Variants in CADM2 observed in about 807,000 individuals in gnomAD.
CADM2 encodes the protein cell adhesion molecule 2.
In CADM2, 12 loss-of-function variants were observed where a neutral mutation model predicts 49.8. The observed-to-expected ratio is 0.24, with a 90% confidence interval of 0.15 to 0.39. The LOEUF (loss-of-function observed/expected upper bound fraction) is 0.39. Among genes scored for constraint, CADM2 ranks in the 10% least tolerant of loss-of-function variants. The pLI is 1.00. For synonymous variants in CADM2, 214 were observed against 175.4 expected (o/e 1.22, Z -1.74); for missense variants, 378 against 492.3 (o/e 0.77, Z 2.20).
At chr3:85,838,883 T>G (rs2074517096) in intron 3 of CADM2, among the ~76,000 whole-genome samples, 1 of 151,920 alleles carries the variant, frequency 6.6e-6, no homozygotes, top group Non-Finnish European at 1.5e-5. Flanking sequence ...AAGGAAATAA[T>G]AACCTACAGC....
intron 7 of CADM2, among the ~76,000 whole-genome samples, chr3:85,942,471 C>A (rs1179354849): frequency 2.0e-5 from 3 of 148,446 alleles, no homozygotes; most frequent in Non-Finnish European, 4.5e-5. Context: ...TCTCCCAGTG[C>A]TATCCCTCCC....
chr3:86,061,573 T>G (rs989059761), intron 8 of CADM2, among the ~76,000 whole-genome samples: 1 of 152,162 alleles, frequency 6.6e-6, no homozygotes, highest in Non-Finnish European at 1.5e-5. Flanking sequence ...TAAAGATTTG[T>G]ATGCATATAA....
chr3:85,039,169 T>G (rs918587382), intron 1 of CADM2, among the ~76,000 whole-genome samples: 11 of 152,086 alleles, frequency 7.2e-5, no homozygotes, highest in Non-Finnish European at 1.6e-4. Flanking sequence ...ACCCAGCTTA[T>G]TTTGTGTTTT....
At chr3:84,963,361 A>G (rs902923830) in intron 1 of CADM2, among the ~76,000 whole-genome samples, 1 of 152,170 alleles carries the variant, frequency 6.6e-6, no homozygotes, top group African/African-American at 2.4e-5. Flanking sequence ...CTGAGGGGGC[A>G]CTGCAAAGAT....
chr3:85,010,396 A>G (rs565286031), intron 1 of CADM2, among the ~76,000 whole-genome samples: 21 of 152,330 alleles, frequency 1.4e-4, no homozygotes, highest in African/African-American at 5.0e-4. Flanking sequence ...CTTGTATTTT[A>G]TTGCGCACAG....
chr3:85,928,081 TCA>T (rs2108519464), intron 6 of CADM2, among the ~76,000 whole-genome samples: 1 of 152,198 alleles, frequency 6.6e-6, no homozygotes, highest in Admixed American at 6.5e-5. Context: ...ATTCAAATCC[TCA>T]GTCATTCAAA....
At chr3:86,047,985 A>C (rs1025610413) in intron 8 of CADM2, among the ~76,000 whole-genome samples, 2 of 152,182 alleles carry the variant, frequency 1.3e-5, no homozygotes, top group Non-Finnish European at 2.9e-5. Context: ...GAATGTTTAC[A>C]TTCTAACTTT....
intron 1 of CADM2, among the ~76,000 whole-genome samples, chr3:84,987,910 C>A (rs2032667576): frequency 6.6e-6 from 1 of 152,018 alleles, no homozygotes; most frequent in Admixed American, 6.5e-5. Context: ...GCCCAGTTCT[C>A]CCCCTGCAGG....
intron 1 of CADM2, among the ~76,000 whole-genome samples, chr3:85,071,559 C>A (rs974781070): frequency 7.2e-5 from 11 of 152,038 alleles, no homozygotes; most frequent in African/African-American, 2.7e-4. Context: ...CTTGAGAATT[C>A]ATTTATTAAA....
chr3:85,189,983 T>G (rs917108373), intron 1 of CADM2, among the ~76,000 whole-genome samples: 4 of 135,828 alleles, frequency 2.9e-5, no homozygotes, highest in Non-Finnish European at 6.2e-5. Flanking sequence ...TTTTAGTGTC[T>G]GCATGGATGA....
intron 1 of CADM2, among the ~76,000 whole-genome samples, chr3:85,661,352 T>C (rs1248977666): frequency 6.6e-6 from 1 of 151,158 alleles, no homozygotes; most frequent in Non-Finnish European, 1.5e-5. Flanking sequence ...GATTTTTTAA[T>C]TTGGGAGTAA....
intron 2 of CADM2, among the ~76,000 whole-genome samples, chr3:85,777,043 C>A (rs1281836392): frequency 6.6e-6 from 1 of 151,846 alleles, no homozygotes. Context: ...CCTTTTAAAC[C>A]GTTTCAAATT....
At chr3:85,854,216 A>C (rs1160435745) in intron 3 of CADM2, among the ~76,000 whole-genome samples, 1 of 152,166 alleles carries the variant, frequency 6.6e-6, no homozygotes, top group African/African-American at 2.4e-5. Flanking sequence ...ACCACTCTAA[A>C]AGTGCTTATA....
intron 1 of CADM2, among the ~76,000 whole-genome samples, chr3:85,522,458 G>C (rs143701373): frequency 6.6e-6 from 1 of 152,188 alleles, no homozygotes; most frequent in African/African-American, 2.4e-5. Flanking sequence ...ATAGCATAGA[G>C]GTAATTCCAT....
At chr3:85,183,668 T>C (rs1255704704) in intron 1 of CADM2, among the ~76,000 whole-genome samples, 3 of 152,276 alleles carry the variant, frequency 2.0e-5, no homozygotes, top group Non-Finnish European at 4.4e-5. Flanking sequence ...TACTATTCCA[T>C]ACAAAGTTGA....
At chr3:85,420,377 G>A (rs539691850) in intron 1 of CADM2, among the ~76,000 whole-genome samples, 1 of 152,242 alleles carries the variant, frequency 6.6e-6, no homozygotes, top group Admixed American at 6.5e-5. Flanking sequence ...TCTACCTTTT[G>A]TCTTAGAAAA....
At chr3:85,830,430 T>G (rs1442033932) in intron 3 of CADM2, among the ~76,000 whole-genome samples, 5 of 151,996 alleles carry the variant, frequency 3.3e-5, no homozygotes, top group Admixed American at 6.6e-5. Context: ...ATTGACCCTT[T>G]ATCACATAAA....
intron 2 of CADM2, among the ~76,000 whole-genome samples, chr3:85,769,991 AAAAC>A (rs2069990582): frequency 6.6e-6 from 1 of 150,978 alleles, no homozygotes; most frequent in East Asian, 1.9e-4. Flanking sequence ...TATGATTCAA[AAAAC>A]AAACAAAAAA....
chr3:85,452,864 C>A (rs2037815907), intron 1 of CADM2, among the ~76,000 whole-genome samples: 2 of 152,094 alleles, frequency 1.3e-5, no homozygotes, highest in African/African-American at 4.8e-5. Flanking sequence ...AGGTCCTTAA[C>A]TATAAGTTTA....
Sources: gnomAD v4.1 joint callset for allele counts (sites outside exome capture counted in the v4.1 genomes callset) on GRCh38, gnomAD v4.1.1 for gene constraint, MANE v1.5 for transcripts, NCBI Gene and HGNC (gene_info 2026-07-23, HGNC 2026-07-21) for gene names.